RNF144A: variants seen among roughly 807,000 people sequenced by gnomAD.
RNF144A encodes the protein ring finger protein 144A, also known as E3 ubiquitin-protein ligase RNF144A.
A neutral mutation model predicts 38.7 loss-of-function variants in RNF144A; 11 were observed. That is an observed-to-expected ratio of 0.28 (90% CI 0.18 to 0.47). The LOEUF (loss-of-function observed/expected upper bound fraction) is 0.47, where lower values mean the gene tolerates loss of function less well. Ranked by LOEUF, RNF144A falls within the 20% of genes least tolerant of loss-of-function variation. The pLI, the probability that RNF144A is intolerant of heterozygous loss-of-function variation, is 0.99. For synonymous variants in RNF144A, 149 were observed against 143.9 expected, an observed-to-expected ratio of 1.04 and a Z score of -0.25; for missense variants, 316 against 377.2, an observed-to-expected ratio of 0.84 and a Z score of 1.34.
intron 3 of RNF144A, among the ~76,000 whole-genome samples, chr2:7,001,370 T>G (rs1412945619): frequency 6.7e-6 from 1 of 149,598 alleles, no homozygotes; most frequent in African/African-American, 2.5e-5. Context: ...TTAAAATAAA[T>G]AAAAAAATAA....
the RNF144A span, among the ~76,000 whole-genome samples, chr2:7,075,198 C>T: frequency 6.6e-6 from 1 of 152,042 alleles, no homozygotes; most frequent in Non-Finnish European, 1.5e-5. Flanking sequence ...CCCACTCTCC[C>T]ACCAGAATCA....
chr2:7,025,284 C>T (rs1172782435), intron 7 of RNF144A, among the ~76,000 whole-genome samples: 1 of 152,238 alleles, frequency 6.6e-6, no homozygotes, highest in Non-Finnish European at 1.5e-5. Flanking sequence ...GCTTCTCATT[C>T]TCCTTCCTTG....
At chr2:7,008,725 G>A (rs895863782) in intron 3 of RNF144A, among the ~76,000 whole-genome samples, 2 of 152,184 alleles carry the variant, frequency 1.3e-5, no homozygotes, top group Admixed American at 1.3e-4. Context: ...TCTCTTCCTC[G>A]TATAAGGAGA....
At chr2:6,938,250 C>CCTTT (rs1558364934) in intron 1 of RNF144A, among the ~76,000 whole-genome samples, 59 of 114,484 alleles carry the variant, frequency 5.2e-4, no homozygotes, top group South Asian at 9.8e-4. Context: ...CCTCCCCTCC[C>CCTTT]TTTTTTTTTT....
chr2:6,920,737 C>T (rs1486140499), intron 1 of RNF144A, among the ~76,000 whole-genome samples: 1 of 152,228 alleles, frequency 6.6e-6, no homozygotes, highest in Non-Finnish European at 1.5e-5. Context: ...ATTTCCAAGA[C>T]TAGCCTCCTT....
At chr2:6,929,003 GAC>G (rs1320958516) in intron 1 of RNF144A, among the ~76,000 whole-genome samples, 1 of 152,110 alleles carries the variant, frequency 6.6e-6, no homozygotes, top group African/African-American at 2.4e-5. Flanking sequence ...TTGCTCCCTA[GAC>G]ACAGCAGACT....
chr2:6,939,463 T>C (rs976548327), intron 1 of RNF144A, among the ~76,000 whole-genome samples: 1 of 152,252 alleles, frequency 6.6e-6, no homozygotes, highest in African/African-American at 2.4e-5. Context: ...TCTTCATATA[T>C]TCTGAATCCG....
intron 2 of RNF144A, among the ~76,000 whole-genome samples, chr2:6,966,710 T>C (rs1339058148): frequency 6.6e-6 from 1 of 152,074 alleles, no homozygotes; most frequent in Non-Finnish European, 1.5e-5. Flanking sequence ...TTTTCAGGAG[T>C]CCTGAAGCGA....
intron 5 of RNF144A, among the ~76,000 whole-genome samples, chr2:7,019,192 GA>G (rs1028694273): frequency 9.8e-5 from 15 of 152,330 alleles, no homozygotes; most frequent in African/African-American, 3.6e-4. Context: ...ATGGTTTCTG[GA>G]GAGCTGAATC....
chr2:6,922,725 C>T lies in RNF144A; in HGVS notation c.-212+5103C>T, dbSNP rs1212843936. 5.3e-5 allele frequency among the ~76,000 whole-genome samples: 8 copies of T among 151,448 alleles called. No individual in the cohort carries two copies. In the East Asian group the frequency reaches 7.8e-4, roughly 15 times the overall value. Reference sequence around the variant, plus strand: ...CTGCAAGCTCCGCCTCCTGGGTTCACGCCATTCTCCTGCCTCAGCCTCCCG... The same window carrying T: ...CTGCAAGCTCCGCCTCCTGGGTTCATGCCATTCTCCTGCCTCAGCCTCCCG... On this transcript the variant is annotated intron_variant, in intron 1 of 8. Coordinates refer to ENST00000320892, the MANE Select transcript of RNF144A (RefSeq NM_014746.6).
At chr2:6,957,794 T>A (rs1667104245) in intron 2 of RNF144A, among the ~76,000 whole-genome samples, 1 of 152,230 alleles carries the variant, frequency 6.6e-6, no homozygotes, top group Non-Finnish European at 1.5e-5. Context: ...TTATTTTAAG[T>A]AAAAGAAAAT....
chr2:7,029,588 G>A (rs1355509423), intron 7 of RNF144A, among the ~76,000 whole-genome samples: 1 of 152,226 alleles, frequency 6.6e-6, no homozygotes, highest in Non-Finnish European at 1.5e-5. Context: ...TGGAGAGGAA[G>A]CGCTTTCTAG....
intron 6 of RNF144A, among the ~76,000 whole-genome samples, chr2:7,057,142 A>G (rs1384036433): frequency 6.6e-6 from 1 of 152,246 alleles, no homozygotes; most frequent in Non-Finnish European, 1.5e-5. Context: ...TAAAGCTGTC[A>G]TGCTCTGTCT....
rs762810913 is a variant in RNF144A at position 6,962,049 on chromosome 2, A to G, written c.-12+20902A>G. 4.6e-5 allele frequency among the ~76,000 whole-genome samples: 7 copies of G among 152,218 alleles called. No homozygotes were observed. Among genetic ancestry groups the G allele is most frequent in the African/African-American group, 1.2e-4 (5 of 41,454 alleles). On this transcript the variant is annotated intron_variant, in intron 2 of 8. Coordinates refer to ENST00000320892, the MANE Select transcript of RNF144A (RefSeq NM_014746.6). The surrounding 1 kb of genome is among the most constrained non-coding windows in gnomAD (Gnocchi z 4.1). ...GAAGTTTAATAGGTGAAAGAAAGAG[A>G]ATAGCTCTCCGCTACAGAGAGCGGT...
chr2:6,996,281 T>C (rs892671176), intron 2 of RNF144A, among the ~76,000 whole-genome samples: 1 of 152,234 alleles, frequency 6.6e-6, no homozygotes, highest in Admixed American at 6.5e-5. Context: ...AAGCAATATG[T>C]ATTTTAGCAA....
intron 8 of RNF144A, among the ~76,000 whole-genome samples, chr2:7,036,213 T>G (rs550516439): frequency 6.6e-6 from 1 of 152,162 alleles, no homozygotes; most frequent in Non-Finnish European, 1.5e-5. Flanking sequence ...TTCTCTAGAG[T>G]AACCTTACTT....
intron 2 of RNF144A, among the ~76,000 whole-genome samples, chr2:6,946,473 T>G (rs990832913): frequency 1.3e-5 from 2 of 152,038 alleles, no homozygotes; most frequent in African/African-American, 4.8e-5. Context: ...TTATTTTTCC[T>G]TTTTTCTTTC....
intron 2 of RNF144A, among the ~76,000 whole-genome samples, chr2:6,977,976 C>T (rs889949150): frequency 5.3e-5 from 8 of 152,244 alleles, no homozygotes; most frequent in African/African-American, 1.9e-4. Context: ...AAGTTTCCAT[C>T]TGGGAGACGT....
rs1208243042 is a variant in RNF144A, at chr2:7,039,864, G to A, written c.*104G>A. ...ACTAAACATCTTTCTTGCCTTATGT[G>A]CCCCATTGAGCTTCACAGTGTCAGG... On this transcript the variant is annotated 3_prime_UTR_variant, in exon 9 of 9. Coordinates refer to ENST00000320892, the MANE Select transcript of RNF144A (RefSeq NM_014746.6). 6.7e-7 allele frequency: 1 copy of A among 1,498,696 alleles called. No homozygotes were observed. Among genetic ancestry groups the A allele is most frequent in the African/African-American group, 1.4e-5 (1 of 71,744 alleles). The allele number at this position is 1,498,696 out of a possible 1,614,324, so 92.8% of individuals were successfully genotyped here.
Sources: gnomAD v4.1 joint callset for allele counts (sites outside exome capture counted in the v4.1 genomes callset) on GRCh38, gnomAD v4.1.1 for gene constraint, Gnocchi (gnomAD v3.1) non-coding constraint, MANE v1.5 for transcripts, NCBI Gene and HGNC (gene_info 2026-07-23, HGNC 2026-07-21) for gene names.